Variants in CFAP20DC observed in about 807,000 individuals in gnomAD.
CFAP20DC encodes CFAP20 domain containing, also known as protein CFAP20DC.
In CFAP20DC, 84 loss-of-function variants were observed where a neutral mutation model predicts 101.7. The observed-to-expected ratio is 0.83, with a 90% CI of 0.69 to 0.99. CFAP20DC has a LOEUF of 0.99. CFAP20DC is among the 50% of genes least tolerant of loss of function. CFAP20DC has a pLI of 0.00. For missense variants in CFAP20DC, 1,007 were observed against 970.3 expected (o/e 1.04, Z -0.50); for synonymous variants, 359 against 351.2 (o/e 1.02, Z -0.25).
chr3:58,991,960 C>T (rs2092953525), intron 4 of CFAP20DC, among the ~76,000 whole-genome samples: 1 of 152,132 alleles, frequency 6.6e-6, no homozygotes, highest in African/African-American at 2.4e-5. Context: ...ACTGATTTAG[C>T]AACATTATTA....
At chr3:58,948,288 C>T (rs1372290225) in intron 4 of CFAP20DC, among the ~76,000 whole-genome samples, 1 of 152,216 alleles carries the variant, frequency 6.6e-6, no homozygotes, top group Non-Finnish European at 1.5e-5. Context: ...CTTTATTATG[C>T]CAACTGAAAT....
intron 4 of CFAP20DC, among the ~76,000 whole-genome samples, chr3:58,937,991 T>G (rs2087946974): frequency 6.6e-6 from 1 of 152,226 alleles, no homozygotes; most frequent in Admixed American, 6.5e-5. Flanking sequence ...GCTAATTTAT[T>G]TCAGTACTCT....
chr3:59,041,865 T>G (rs910423793), intron 3 of CFAP20DC, among the ~76,000 whole-genome samples: 1 of 152,120 alleles, frequency 6.6e-6, no homozygotes, highest in Admixed American at 6.6e-5. Context: ...TTACAACTCA[T>G]AGGATTATTT....
intron 14 of CFAP20DC, among the ~76,000 whole-genome samples, chr3:58,811,221 A>C (rs1215924627): frequency 3.3e-5 from 5 of 152,248 alleles, no homozygotes; most frequent in African/African-American, 9.6e-5. Context: ...GTTCATACGG[A>C]ACCAAAAAAG....
At position 58,799,354 on chromosome 3, in the gene CFAP20DC, T is replaced by C. The variant is rs757683980; in HGVS notation, c.2237+7041A>G. Among the ~76,000 whole-genome samples, 6 of 152,226 alleles carry C rather than the reference T, an allele frequency of 3.9e-5. No homozygotes were observed. Among genetic ancestry groups the C allele is most frequent in the Non-Finnish European group, 8.8e-5 (6 of 68,036 alleles). ...GATATCAGATACTTTATATTCTGGA[T>C]ATCTTTTAAGGGATCTTTAAAACAA... On this transcript the variant is annotated intron_variant, in intron 15 of 16. Transcript: ENST00000482387. The surrounding 1 kb of genome is among the most constrained non-coding windows in gnomAD (Gnocchi z 4.9).
chr3:58,743,803 A>G (rs1391024283), intron 16 of CFAP20DC, among the ~76,000 whole-genome samples: 1 of 152,200 alleles, frequency 6.6e-6, no homozygotes, highest in Non-Finnish European at 1.5e-5. Flanking sequence ...CAGGACATTG[A>G]CAAACTGGAG....
chr3:58,771,289 T>C (rs890307437), intron 15 of CFAP20DC, among the ~76,000 whole-genome samples: 3 of 151,990 alleles, frequency 2.0e-5, no homozygotes, highest in African/African-American at 7.3e-5. Flanking sequence ...TTAGGAGAAA[T>C]ACCTAATGTA....
chr3:58,816,727 T>A (rs533026946), intron 14 of CFAP20DC, among the ~76,000 whole-genome samples: 2 of 152,154 alleles, frequency 1.3e-5, no homozygotes, highest in Admixed American at 1.3e-4. Flanking sequence ...GCGCCCGCCA[T>A]TGCCCAGGCT....
intron 12 of CFAP20DC, among the ~76,000 whole-genome samples, chr3:58,853,786 G>A (rs1181458659): frequency 2.0e-5 from 3 of 152,136 alleles, no homozygotes; most frequent in East Asian, 3.9e-4. Context: ...ATTCAACAAC[G>A]CTTCATGCTA....
At chr3:58,997,520 AT>A (rs2108699674) in intron 4 of CFAP20DC, among the ~76,000 whole-genome samples, 1 of 152,348 alleles carries the variant, frequency 6.6e-6, no homozygotes, top group South Asian at 2.1e-4. Flanking sequence ...GATTCTGCAT[AT>A]TCTCTCTAGA....
intron 15 of CFAP20DC, among the ~76,000 whole-genome samples, chr3:58,776,627 A>G (rs2071361354): frequency 6.6e-6 from 1 of 150,442 alleles, no homozygotes; most frequent in South Asian, 2.2e-4. Flanking sequence ...CTTCTTTGAG[A>G]ACTACTCATT....
chr3:58,966,684 TG>T (rs1198818578), intron 4 of CFAP20DC, among the ~76,000 whole-genome samples: 2 of 151,676 alleles, frequency 1.3e-5, no homozygotes, highest in Non-Finnish European at 2.9e-5. Context: ...CCACCATGCC[TG>T]GCTAATTTTT....
intron 3 of CFAP20DC, among the ~76,000 whole-genome samples, chr3:58,735,798 T>G (rs1438006907): frequency 6.6e-6 from 1 of 152,136 alleles, no homozygotes; most frequent in East Asian, 1.9e-4. Context: ...TGATCAAAAA[T>G]GTATTAAAAA....
Position 58,795,692 on chromosome 3 carries a change from T to C in CFAP20DC, c.2237+10703A>G, listed in dbSNP as rs1214492582. Among the ~76,000 whole-genome samples, 1 of 152,194 alleles carries C rather than the reference T, an allele frequency of 6.6e-6. No homozygotes were observed. The highest frequency in any genetic ancestry group is 1.5e-5 in the Non-Finnish European group (1 of 68,030). ...CAAGATTCTTCAGGTATCTGTCTTT[T>C]CAGACACAGAAGCCTTTGGGAGGTG... On this transcript the variant is annotated intron_variant, in intron 15 of 16. Coordinates refer to ENST00000482387, the MANE Select transcript of CFAP20DC (RefSeq NM_001394063.1). The surrounding 1 kb of genome is among the most constrained non-coding windows in gnomAD (Gnocchi z 4.2).
intron 6 of CFAP20DC, among the ~76,000 whole-genome samples, chr3:58,908,272 T>C (rs1174601654): frequency 1.3e-5 from 2 of 152,200 alleles, no homozygotes; most frequent in Admixed American, 6.5e-5. Context: ...TAATATTTTT[T>C]CACTTTTCAG....
intron 4 of CFAP20DC, among the ~76,000 whole-genome samples, chr3:59,012,534 T>C (rs1282980083): frequency 6.6e-6 from 1 of 152,004 alleles, no homozygotes; most frequent in Non-Finnish European, 1.5e-5. Flanking sequence ...AAGAAAGGAG[T>C]GAAGACTGGA....
At chr3:58,944,787 A>G (rs970745047) in intron 4 of CFAP20DC, among the ~76,000 whole-genome samples, 1 of 152,132 alleles carries the variant, frequency 6.6e-6, no homozygotes, top group Admixed American at 6.5e-5. Context: ...CCAATAGGTT[A>G]CAAATTTGTG....
chr3:59,028,859 T>C (rs2093938104), intron 4 of CFAP20DC, among the ~76,000 whole-genome samples: 3 of 152,198 alleles, frequency 2.0e-5, no homozygotes, highest in African/African-American at 7.2e-5. Context: ...TCTCATTTAA[T>C]GCTTATGACA....
rs143776206 is a variant in CFAP20DC, at chr3:58,801,050, T to TGAGAGAGAGAGAGAGAGA, written c.2237+5327_2237+5344dup. On this transcript the variant is annotated intron_variant, in intron 15 of 16. Transcript: ENST00000482387. ...GGGTGGGGTGGGGGTGGGGAGTAAG[T>TGAGAGAGAGAGAGAGAGA]GAGAGAGAGAGAGAGAGAGAGAGAA... is the stretch of plus-strand genomic sequence containing the variant. 2.0e-3 allele frequency among the ~76,000 whole-genome samples: 259 copies of TGAGAGAGAGAGAGAGAGA among 131,704 alleles called. 2 individuals are homozygous for TGAGAGAGAGAGAGAGAGA. Among genetic ancestry groups the TGAGAGAGAGAGAGAGAGA allele is most frequent in the African/African-American group, 6.8e-3 (215 of 31,830 alleles). 86.4% of individuals were successfully genotyped at this position (131,704 alleles called of 152,430 possible).
Sources: gnomAD v4.1 joint callset for allele counts (sites outside exome capture counted in the v4.1 genomes callset) on GRCh38, gnomAD v4.1.1 for gene constraint, Gnocchi (gnomAD v3.1) non-coding constraint, MANE v1.5 for transcripts, NCBI Gene and HGNC (gene_info 2026-07-23, HGNC 2026-07-21) for gene names.